Variants in DNAH10 observed in about 807,000 individuals in gnomAD.
DNAH10 encodes the protein axonemal beta dynein heavy chain 10.
In DNAH10, 348 loss-of-function variants were observed where a neutral mutation model predicts 506.6. The ratio of observed to expected loss-of-function variants is 0.69; its 90% confidence interval spans 0.63 to 0.75. The LOEUF is 0.75. Ranked by LOEUF, DNAH10 falls within the 30% of genes least tolerant of loss-of-function variation. DNAH10 has a pLI of 0.00. For missense variants in DNAH10, 5,179 were observed against 5,787.1 expected, an observed-to-expected ratio of 0.89 and a Z score of 3.41; for synonymous variants, 2,059 against 2,198.6, an observed-to-expected ratio of 0.94 and a Z score of 1.78.
chr12:123,843,177 G>T (rs1177726766), intron 30 of DNAH10, among the ~76,000 whole-genome samples: 1 of 152,200 alleles, frequency 6.6e-6, no homozygotes, highest in Non-Finnish European at 1.5e-5. Context: ...TCATCCAGAT[G>T]CTCCTTTGAG....
chr12:123,816,726 G>A (rs952626557), intron 21 of DNAH10, among the ~76,000 whole-genome samples: 4 of 152,182 alleles, frequency 2.6e-5, no homozygotes, highest in Admixed American at 2.6e-4. Context: ...TGTACCCTGG[G>A]CACCTAATAC....
chr12:123,876,195 G>A (rs1952248962), intron 47 of DNAH10, among the ~76,000 whole-genome samples: 1 of 152,152 alleles, frequency 6.6e-6, no homozygotes, highest in African/African-American at 2.4e-5. Flanking sequence ...TGAGCACCTG[G>A]CCCGTTCATG....
intron 56 of DNAH10, among the ~76,000 whole-genome samples, chr12:123,899,933 C>T (rs1953440790): frequency 6.6e-6 from 1 of 152,238 alleles, no homozygotes; most frequent in African/African-American, 2.4e-5. Flanking sequence ...GAATTTGTGG[C>T]ATATCCCTGC....
At chr12:123,789,821 A>G (rs1958011160) in intron 10 of DNAH10, 106 bp from the exon 11 acceptor site, 1 of 1,059,992 alleles carries the variant, frequency 9.4e-7, no homozygotes, top group East Asian at 2.4e-5. Flanking sequence ...ACTGTGTGAC[A>G]TGATTCTTGC....
At chr12:123,866,139 C>T in intron 41 of DNAH10, 66 bp downstream of exon 41, 1 of 1,367,020 alleles carries the variant, frequency 7.3e-7, no homozygotes, top group Non-Finnish European at 9.7e-7. Flanking sequence ...TAACATAGTC[C>T]AGAGGGATGT....
At position 123,785,667 on chromosome 12, in the gene DNAH10, T is replaced by C; in HGVS notation, c.1231-79T>C. ...AAAAAAAAAAAAAGAGTGAAACTTCTTGCATGCTTACTGTTTTATGAAACT... is the reference window on the plus strand; with the variant it reads ...AAAAAAAAAAAAAGAGTGAAACTTCCTGCATGCTTACTGTTTTATGAAACT... On this transcript the variant is annotated intron_variant, in intron 8 of 78. Transcript: ENST00000673944. The surrounding 1 kb of genome is among the most constrained non-coding windows in gnomAD (Gnocchi z 4.1). 8.2e-7 allele frequency: 1 copy of C among 1,220,206 alleles called. No homozygotes were observed. The highest frequency in any genetic ancestry group is 2.5e-5 in the East Asian group (1 of 39,680). 75.6% of individuals were successfully genotyped at this position (1,220,206 alleles called of 1,614,324 possible). A position where few individuals can be genotyped will look rare whatever the true frequency, so the allele number is the denominator to read the frequency against.
chr12:123,851,347 GACC>G (rs1201323423), intron 35 of DNAH10, among the ~76,000 whole-genome samples: 2 of 145,078 alleles, frequency 1.4e-5, no homozygotes, highest in Non-Finnish European at 3.0e-5. Context: ...CCAGACTGGG[GACC>G]TAGGATGTGT....
intron 21 of DNAH10, 39 bp from the exon 22 acceptor site, chr12:123,818,911 C>T (rs762601600): frequency 1.6e-5 from 22 of 1,388,888 alleles, no homozygotes; most frequent in Non-Finnish European, 2.2e-5. Context: ...AATTGCTCAT[C>T]ATTTGTTGTT....
rs1951025730 is a variant in DNAH10, at chr12:123,848,035, G to C, written c.5889G>C (p.Leu1963=). The change falls in exon 33 of 79, where the codon CTG becomes CTC. Residue 1963 remains leucine (L), a synonymous_variant. Coordinates refer to ENST00000673944, the MANE Select transcript of DNAH10 (RefSeq NM_001372106.1). ...GCAAAACCGAGACCACCAAGGACCT[G>C]GCGAAAGCCTTGGGCTTGCTCTGTG... The part of the protein sequence containing the change: ...GTGKTETTKD[L]AKALGLLCVV... The C allele has an allele frequency of 1.2e-6, 2 of 1,613,972 alleles. No homozygotes were observed. Among genetic ancestry groups the C allele is most frequent in the Admixed American group, 3.3e-5 (2 of 60,032 alleles).
chr12:123,865,215 A>G (rs1387247704), intron 40 of DNAH10, among the ~76,000 whole-genome samples: 1 of 152,070 alleles, frequency 6.6e-6, no homozygotes, highest in East Asian at 1.9e-4. Context: ...AGAGTTTGTA[A>G]TTGCCTTCCT....
At chr12:123,800,680 T>C (rs1958448966) in intron 15 of DNAH10, among the ~76,000 whole-genome samples, 2 of 139,578 alleles carry the variant, frequency 1.4e-5, no homozygotes, top group African/African-American at 5.4e-5. Flanking sequence ...AGAGCCTGTA[T>C]CCAAAAAAAA....
At position 123,826,913 on chromosome 12, in the gene DNAH10, C is replaced by A; in HGVS notation, c.4391+15C>A. 1 of 1,603,582 alleles carries A rather than the reference C, an allele frequency of 6.2e-7. No individual in the cohort carries two copies. The highest frequency in any genetic ancestry group is 1.1e-5 in the South Asian group (1 of 90,190). ...CTAAGAGACAGGTTTGTTTTGTCCT[C>A]TGTCCGCAGATGTAAAAGTGTGGGA... On this transcript the variant is annotated intron_variant, in intron 25 of 78. Coordinates refer to ENST00000673944, the MANE Select transcript of DNAH10 (RefSeq NM_001372106.1).
At chr12:123,895,000 C>A (rs11830666) in intron 54 of DNAH10, among the ~76,000 whole-genome samples, 2,869 of 152,280 alleles carry the variant, frequency 0.019, 89 homozygotes, top group African/African-American at 0.065. Flanking sequence ...CTAGTTGGCC[C>A]CTTACTTGTT....
intron 51 of DNAH10, among the ~76,000 whole-genome samples, chr12:123,883,681 C>T (rs1952606786): frequency 6.6e-6 from 1 of 152,138 alleles, no homozygotes; most frequent in African/African-American, 2.4e-5. Context: ...GCAACTAGTA[C>T]CTAACAGCGG....
chr12:123,880,456 C>T (rs1344078614), intron 50 of DNAH10, among the ~76,000 whole-genome samples: 1 of 152,144 alleles, frequency 6.6e-6, no homozygotes, highest in Non-Finnish European at 1.5e-5. Flanking sequence ...CTTCCTGCCT[C>T]AGCCTCTGGA....
chr12:123,867,887 T>G lies in DNAH10; in HGVS notation c.7303-16T>G, dbSNP rs1325514935. On this transcript the variant is annotated splice_polypyrimidine_tract_variant and intron_variant, in intron 42 of 78. Transcript: ENST00000673944. The stretch of plus-strand genomic sequence containing the variant: ...TGGACTATGTGGGCTGAACCAGATA[T>G]TTTCCTGTGAACCAGGTAACCCAGT... 2 of 1,608,834 alleles carry G rather than the reference T, an allele frequency of 1.2e-6. No individual in the cohort carries two copies. The highest frequency in any genetic ancestry group is 1.7e-5 in the Admixed American group (1 of 59,260).
At chr12:123,867,376 C>G in intron 41 of DNAH10, 91 bp from the exon 42 acceptor site, 1 of 1,406,828 alleles carries the variant, frequency 7.1e-7, no homozygotes, top group Middle Eastern at 2.3e-4. Flanking sequence ...GAAGATGTTG[C>G]TCAACCCTCT....
At position 123,768,273 on chromosome 12, in the gene DNAH10, C is replaced by G. The variant is rs181263933; in HGVS notation, c.298+584C>G. Among the ~76,000 whole-genome samples, 566 of 152,100 alleles carry G rather than the reference C, an allele frequency of 3.7e-3. 5 individuals are homozygous for G. The highest frequency in any genetic ancestry group is 0.02 in the Middle Eastern group (6 of 294). On this transcript the variant is annotated intron_variant, in intron 2 of 78. Coordinates refer to ENST00000673944, the MANE Select transcript of DNAH10 (RefSeq NM_001372106.1). ...CCTCAGCCTCCCAAGTAGCTGCGAT[C>G]TCAGGCGCCCACCACCACGCCCAGC...
chr12:123,918,722 A>T lies in DNAH10; in HGVS notation c.11279A>T (p.Asp3760Val), dbSNP rs371344904. The T allele has an allele frequency of 3.8e-5, 60 of 1,593,972 alleles. No individual in the cohort carries two copies. The highest frequency in any genetic ancestry group is 4.9e-5 in the Non-Finnish European group (57 of 1,166,128). The change falls in exon 65 of 79, where the codon GAC (aspartate) becomes GTC (valine). Residue 3760 changes from aspartate (D) to valine (V), a missense_variant. Asp to Val is a radical substitution (Grantham distance 152). Transcript: ENST00000673944. ...GCGGAGAAGACAGCCTTGGACATCG[A>T]CAGGCTGCGGGATGGCTACCGGCCA... ...KLAEKTALDI[D>V]RLRDGYRPAA...
Sources: allele counts gnomAD v4.1 joint callset (sites outside exome capture counted in the v4.1 genomes callset), GRCh38; gene constraint gnomAD v4.1.1; non-coding constraint Gnocchi (gnomAD v3.1); transcripts MANE v1.5; gene names NCBI Gene and HGNC (gene_info 2026-07-23, HGNC 2026-07-21).